Variants in GRIA1 observed in about 807,000 individuals in gnomAD.
GRIA1 encodes the protein glutamate receptor 1.
Under a neutral mutation model 99.2 loss-of-function variants are expected in GRIA1, and 31 were observed. The ratio of observed to expected loss-of-function variants is 0.31; its 90% CI spans 0.23 to 0.42. The LOEUF is 0.42. GRIA1 is among the 10% of genes least tolerant of loss of function. The probability of loss-of-function intolerance (pLI) is 1.00; values close to 1 mark genes in which losing one functional copy is unlikely to be tolerated. For missense variants in GRIA1, 782 were observed against 1,157.5 expected, an observed-to-expected ratio of 0.68 and a Z score of 4.71; for synonymous variants, 438 against 432.4, an observed-to-expected ratio of 1.01 and a Z score of -0.16.
At chr5:153,549,215 TCTC>T (rs1325852357) in intron 2 of GRIA1, among the ~76,000 whole-genome samples, 5 of 152,158 alleles carry the variant, frequency 3.3e-5, no homozygotes, top group Non-Finnish European at 7.4e-5. Flanking sequence ...TGATCCCTGT[TCTC>T]ATCATTGTTC....
chr5:153,665,661 A>C (rs1433284125), intron 5 of GRIA1, among the ~76,000 whole-genome samples: 2 of 152,222 alleles, frequency 1.3e-5, no homozygotes, highest in Non-Finnish European at 2.9e-5. Context: ...TGATCATAGA[A>C]TTGTAGATCA....
At chr5:153,501,037 T>C (rs1754965770) in intron 2 of GRIA1, among the ~76,000 whole-genome samples, 1 of 152,162 alleles carries the variant, frequency 6.6e-6, no homozygotes, top group African/African-American at 2.4e-5. Flanking sequence ...TTAATAGAAG[T>C]TCTCTACCTT....
At chr5:153,493,402 G>T (rs1349814894) in intron 1 of GRIA1, among the ~76,000 whole-genome samples, 1 of 152,162 alleles carries the variant, frequency 6.6e-6, no homozygotes, top group African/African-American at 2.4e-5. Context: ...CTAGGCCAAA[G>T]ACTAAAAACT....
At chr5:153,790,985 CT>C (rs1441149226) in intron 13 of GRIA1, among the ~76,000 whole-genome samples, 1 of 152,110 alleles carries the variant, frequency 6.6e-6, no homozygotes, top group African/African-American at 2.4e-5. Flanking sequence ...GAAATACAAC[CT>C]TTTCTGGATA....
chr5:153,753,990 G>A (rs74798625), intron 11 of GRIA1, among the ~76,000 whole-genome samples: 4,850 of 152,282 alleles, frequency 0.032, 105 homozygotes, highest in Non-Finnish European at 0.045. Context: ...GGACTGAGTC[G>A]TTCTAGTTTT....
At chr5:153,625,703 G>A (rs1484324127) in intron 2 of GRIA1, among the ~76,000 whole-genome samples, 1 of 152,206 alleles carries the variant, frequency 6.6e-6, no homozygotes, top group African/African-American at 2.4e-5. Context: ...TGGCATTTCA[G>A]ATCAGCCTTG....
At chr5:153,673,380 A>G (rs916136969) in intron 5 of GRIA1, among the ~76,000 whole-genome samples, 1 of 152,200 alleles carries the variant, frequency 6.6e-6, no homozygotes, top group Non-Finnish European at 1.5e-5. Context: ...ACTATCCCAG[A>G]TTATACTATA....
intron 2 of GRIA1, among the ~76,000 whole-genome samples, chr5:153,579,886 AAC>A (rs199508559): frequency 0.11 from 15,861 of 147,454 alleles, 916 homozygotes; most frequent in South Asian, 0.24. Context: ...AACAAAAACA[AAC>A]AAACAAACAA....
intron 7 of GRIA1, 39 bp downstream of exon 7, chr5:153,677,200 A>C (rs376405457): frequency 4.4e-6 from 6 of 1,356,184 alleles, no homozygotes; most frequent in Non-Finnish European, 5.8e-6. Flanking sequence ...ATAGGAGCCT[A>C]CTGGGGGATT....
At chr5:153,663,026 C>A (rs1755484388) in intron 5 of GRIA1, among the ~76,000 whole-genome samples, 1 of 152,076 alleles carries the variant, frequency 6.6e-6, no homozygotes, top group Non-Finnish European at 1.5e-5. Flanking sequence ...CTGCCCAGAG[C>A]CTTTGGAAGG....
chr5:153,667,759 T>A (rs1755852337), intron 5 of GRIA1, among the ~76,000 whole-genome samples: 1 of 152,200 alleles, frequency 6.6e-6, no homozygotes, highest in African/African-American at 2.4e-5. Flanking sequence ...ATAGTCATAA[T>A]GATGGCCCAG....
chr5:153,561,756 C>T (rs527898017), intron 2 of GRIA1, among the ~76,000 whole-genome samples: 33 of 152,138 alleles, frequency 2.2e-4, no homozygotes, highest in Admixed American at 3.9e-4. Context: ...ACCATCACCA[C>T]CATTATTTGC....
chr5:153,523,930 T>C (rs544555900), intron 2 of GRIA1, among the ~76,000 whole-genome samples: 78 of 152,320 alleles, frequency 5.1e-4, no homozygotes, highest in African/African-American at 1.9e-3. Flanking sequence ...AAAAGTAAAG[T>C]TCTTTGGAGT....
chr5:153,494,136 T>A, intron 2 of GRIA1, 71 bp downstream of exon 2: 1 of 1,515,792 alleles, frequency 6.6e-7, no homozygotes, highest in Non-Finnish European at 9.0e-7. Flanking sequence ...TGTGGGTAGG[T>A]GGTGGTGTTG....
At chr5:153,538,313 C>G (rs1475168322) in intron 2 of GRIA1, among the ~76,000 whole-genome samples, 2 of 152,056 alleles carry the variant, frequency 1.3e-5, no homozygotes, top group Non-Finnish European at 2.9e-5. Context: ...ATAGAGTTTA[C>G]TTATTTAAAG....
intron 7 of GRIA1, among the ~76,000 whole-genome samples, chr5:153,680,086 A>G (rs1458970324): frequency 6.6e-6 from 1 of 152,008 alleles, no homozygotes; most frequent in East Asian, 1.9e-4. Flanking sequence ...TAAAGTTGGG[A>G]CTCCAAACCA....
intron 11 of GRIA1, among the ~76,000 whole-genome samples, chr5:153,741,196 G>C (rs546121074): frequency 6.6e-6 from 1 of 151,960 alleles, no homozygotes; most frequent in South Asian, 2.1e-4. Context: ...GGATGGACTC[G>C]ATCTCCTGAC....
At chr5:153,580,860 T>C (rs1762985536) in intron 2 of GRIA1, among the ~76,000 whole-genome samples, 1 of 152,190 alleles carries the variant, frequency 6.6e-6, no homozygotes, top group African/African-American at 2.4e-5. Flanking sequence ...TCCTGGTACC[T>C]TAGCAGTGCT....
intron 13 of GRIA1, among the ~76,000 whole-genome samples, chr5:153,772,020 C>A (rs531479134): frequency 1.3e-5 from 2 of 152,012 alleles, no homozygotes; most frequent in East Asian, 3.9e-4. Context: ...CAGACAGAGA[C>A]AAGAGAGAAT....
Sources: allele counts gnomAD v4.1 joint callset (sites outside exome capture counted in the v4.1 genomes callset), GRCh38; gene constraint gnomAD v4.1.1; transcripts MANE v1.5; gene names NCBI Gene and HGNC (gene_info 2026-07-23, HGNC 2026-07-21).